KIFAP3: variants seen among roughly 807,000 people sequenced by gnomAD.
KIFAP3 encodes the protein kinesin-associated protein 3.
In KIFAP3, 68 loss-of-function variants were observed where a neutral mutation model predicts 106.5. The observed-to-expected ratio is 0.64, with a 90% confidence interval of 0.53 to 0.78. KIFAP3 has a LOEUF of 0.78. KIFAP3 is among the 30% of genes least tolerant of loss of function. KIFAP3 has a pLI of 0.00. For synonymous variants in KIFAP3, 320 were observed against 311.5 expected (o/e 1.03, Z -0.29); for missense variants, 780 against 941.8 (o/e 0.83, Z 2.25).
At chr1:170,000,560 A>T (rs574698306) in intron 10 of KIFAP3, among the ~76,000 whole-genome samples, 1 of 152,188 alleles carries the variant, frequency 6.6e-6, no homozygotes. Flanking sequence ...ATTATTGAAC[A>T]TGTTAACTAC....
At chr1:169,982,622 C>A (rs1666583656) in intron 14 of KIFAP3, 80 bp downstream of exon 14, 1 of 950,966 alleles carries the variant, frequency 1.1e-6, no homozygotes, top group East Asian at 2.8e-5. Flanking sequence ...AATAGTCACA[C>A]AATACTGCTC....
At chr1:169,992,058 A>G in intron 11 of KIFAP3, 97 bp downstream of exon 11, 4 of 496,002 alleles carry the variant, frequency 8.1e-6, no homozygotes, top group Non-Finnish European at 1.3e-5. Flanking sequence ...TTAAGAAGAG[A>G]ACTTTTTTAG....
chr1:169,924,160 A>G (rs1662992463), intron 19 of KIFAP3, among the ~76,000 whole-genome samples: 1 of 152,208 alleles, frequency 6.6e-6, no homozygotes, highest in Non-Finnish European at 1.5e-5. Flanking sequence ...TGTCATGCAC[A>G]TTGTTGATAA....
chr1:170,078,239 C>T (rs1426512842), upstream of KIFAP3, among the ~76,000 whole-genome samples: 2 of 151,870 alleles, frequency 1.3e-5, no homozygotes, highest in African/African-American at 2.4e-5. Flanking sequence ...TGTCTGTTTA[C>T]TCTCATCATT....
rs1668333468 is a variant in KIFAP3 at position 170,013,245 on chromosome 1, C to T, written c.1183+3217G>A. 2.0e-5 allele frequency among the ~76,000 whole-genome samples: 3 copies of T among 151,912 alleles called. No individual in the cohort carries two copies. In the South Asian group the frequency reaches 6.2e-4, roughly 32 times the overall value. On this transcript the variant is annotated intron_variant, in intron 10 of 19. Transcript: ENST00000361580. ...GTCTATTCCCTTATAGAAACCTGAA[C>T]GACCTAAGATAACTGTGTATGAAAT...
chr1:170,006,909 A>C (rs1018870762), intron 10 of KIFAP3, among the ~76,000 whole-genome samples: 1 of 152,194 alleles, frequency 6.6e-6, no homozygotes, highest in African/African-American at 2.4e-5. Flanking sequence ...CAAAGTAGTA[A>C]GCATAGATAA....
chr1:170,011,053 C>T (rs1295399965), intron 10 of KIFAP3, among the ~76,000 whole-genome samples: 1 of 151,920 alleles, frequency 6.6e-6, no homozygotes, highest in East Asian at 1.9e-4. Flanking sequence ...CTACTGCATA[C>T]TTTTAAATTC....
At chr1:170,011,986 T>C (rs1480949660) in intron 10 of KIFAP3, among the ~76,000 whole-genome samples, 1 of 152,136 alleles carries the variant, frequency 6.6e-6, no homozygotes, top group Admixed American at 6.6e-5. Context: ...AAAATCAGTT[T>C]CTTCAGAGTC....
chr1:169,931,315 T>C (rs1663463692), intron 19 of KIFAP3, among the ~76,000 whole-genome samples: 1 of 152,158 alleles, frequency 6.6e-6, no homozygotes, highest in African/African-American at 2.4e-5. Context: ...AAAAATGACG[T>C]GCAAGAAATA....
chr1:170,000,982 C>A (rs1169413733), intron 10 of KIFAP3, among the ~76,000 whole-genome samples: 2 of 128,942 alleles, frequency 1.6e-5, no homozygotes, highest in African/African-American at 6.0e-5. Context: ...ACTAACATTG[C>A]AGATCTACCA....
intron 15 of KIFAP3, among the ~76,000 whole-genome samples, chr1:169,980,633 T>A (rs539573191): frequency 6.6e-6 from 1 of 152,168 alleles, no homozygotes; most frequent in Non-Finnish European, 1.5e-5. Context: ...ACCACATATA[T>A]AGAACATTTT....
rs181774247 is a variant in KIFAP3, at chr1:170,052,535, C to T, written c.164+2770G>A. Among the ~76,000 whole-genome samples, 1,094 of 151,674 alleles carry T rather than the reference C, an allele frequency of 7.2e-3. 11 individuals are homozygous for T. Among genetic ancestry groups the T allele is most frequent in the Admixed American group, 0.011 (172 of 15,234 alleles). On this transcript the variant is annotated intron_variant, in intron 2 of 19. Coordinates refer to ENST00000361580, the MANE Select transcript of KIFAP3 (RefSeq NM_014970.4). ...GATACCAAACCTGGCAGAGACACAA[C>T]AAAAAAAAGAAAATTTCAGGCCAAT...
intron 9 of KIFAP3, among the ~76,000 whole-genome samples, chr1:170,021,950 T>C (rs957928171): frequency 1.6e-5 from 2 of 128,612 alleles, no homozygotes; most frequent in African/African-American, 3.0e-5. Flanking sequence ...TCTTTTTTTT[T>C]TTTTTTTTTT....
intron 15 of KIFAP3, among the ~76,000 whole-genome samples, chr1:169,981,281 T>C (rs1410569360): frequency 6.6e-6 from 1 of 152,190 alleles, no homozygotes; most frequent in Non-Finnish European, 1.5e-5. Flanking sequence ...CAATTCTGAA[T>C]AGTGTGATGT....
chr1:170,010,096 T>G (rs1668170614), intron 10 of KIFAP3, among the ~76,000 whole-genome samples: 3 of 152,068 alleles, frequency 2.0e-5, no homozygotes, highest in Non-Finnish European at 4.4e-5. Context: ...AAATGATTTA[T>G]AACTGATACT....
chr1:170,047,180 G>A (rs907233994), intron 2 of KIFAP3, among the ~76,000 whole-genome samples: 2 of 152,086 alleles, frequency 1.3e-5, no homozygotes, highest in African/African-American at 4.8e-5. Context: ...ATTATTAAAT[G>A]TAAGAATCCA....
At chr1:169,987,791 C>A (rs1666906909) in intron 11 of KIFAP3, among the ~76,000 whole-genome samples, 1 of 152,076 alleles carries the variant, frequency 6.6e-6, no homozygotes. Flanking sequence ...CATGTACTTT[C>A]ATTGGCCATT....
At chr1:170,042,142 G>A (rs902025453) in intron 3 of KIFAP3, among the ~76,000 whole-genome samples, 2 of 152,176 alleles carry the variant, frequency 1.3e-5, no homozygotes, top group African/African-American at 4.8e-5. Context: ...TTTGTTATGC[G>A]TATATTGTAA....
intron 19 of KIFAP3, among the ~76,000 whole-genome samples, chr1:169,950,652 A>T (rs1385612520): frequency 6.6e-6 from 1 of 152,110 alleles, no homozygotes; most frequent in African/African-American, 2.4e-5. Flanking sequence ...GCTTATTCTC[A>T]TCTTTACAGT....
Sources: allele counts gnomAD v4.1 joint callset (sites outside exome capture counted in the v4.1 genomes callset), GRCh38; gene constraint gnomAD v4.1.1; transcripts MANE v1.5; gene names NCBI Gene and HGNC (gene_info 2026-07-23, HGNC 2026-07-21).